The following PTPN3 variants were observed in gnomAD, a reference collection of about 807,000 sequenced individuals.
PTPN3 encodes the protein tyrosine-protein phosphatase non-receptor type 3.
PTPN3 carries 96 observed loss-of-function variants against 132.7 expected under a neutral mutation model. That is an observed-to-expected ratio of 0.72 (90% CI 0.61 to 0.86). The LOEUF (loss-of-function observed/expected upper bound fraction) is 0.86. PTPN3 is among the 40% of genes least tolerant of loss of function. The probability of loss-of-function intolerance (pLI) is 0.00; values close to 1 mark genes in which losing one functional copy is unlikely to be tolerated. For synonymous variants in PTPN3, 398 were observed against 429.0 expected, an observed-to-expected ratio of 0.93 and a Z score of 0.89; for missense variants, 1,125 against 1,159.6, an observed-to-expected ratio of 0.97 and a Z score of 0.43.
chr9:109,456,235 G>A (rs1223570730), intron 4 of PTPN3, among the ~76,000 whole-genome samples: 1 of 152,242 alleles, frequency 6.6e-6, no homozygotes, highest in Non-Finnish European at 1.5e-5. Context: ...CCATGCACTG[G>A]CCACTTTTTG....
intron 19 of PTPN3, among the ~76,000 whole-genome samples, chr9:109,401,043 T>A (rs1353985870): frequency 6.6e-6 from 1 of 152,216 alleles, no homozygotes; most frequent in South Asian, 2.1e-4. Context: ...CTTTCATCTG[T>A]TCTGTATTTT....
chr9:109,426,945 C>G lies in PTPN3; in HGVS notation c.1001+5G>C. On this transcript the variant is annotated splice_donor_5th_base_variant and intron_variant, in intron 12 of 25. Transcript: ENST00000374541. ...GTGTGGACACAGTCTTTACAGCACA[C>G]TCACTTTTTGGTGTTCCGAGAGCCC... is the stretch of plus-strand genomic sequence containing the variant. 1 of 1,606,714 alleles carries G rather than the reference C, an allele frequency of 6.2e-7. No homozygotes were observed. Among genetic ancestry groups the G allele is most frequent in the Non-Finnish European group, 8.5e-7 (1 of 1,173,458 alleles).
At chr9:109,445,140 G>T in intron 7 of PTPN3, 100 bp downstream of exon 7, 1 of 1,238,506 alleles carries the variant, frequency 8.1e-7, no homozygotes, top group East Asian at 2.4e-5. Flanking sequence ...CAGGATTCCT[G>T]GGGAAGAGGG....
the PTPN3 span, among the ~76,000 whole-genome samples, chr9:109,528,352 G>GA: frequency 6.6e-6 from 1 of 152,144 alleles, no homozygotes; most frequent in Non-Finnish European, 1.5e-5. Context: ...ACAGTAGAGA[G>GA]AAAATATAAA....
At chr9:109,509,829 C>T in the PTPN3 span, among the ~76,000 whole-genome samples, 5 of 151,482 alleles carry the variant, frequency 3.3e-5, no homozygotes, top group East Asian at 9.7e-4. Flanking sequence ...GACCCAAACA[C>T]AGCTTGTGCC....
chr9:109,426,912 T>C, intron 12 of PTPN3, 38 bp downstream of exon 12: 2 of 1,559,792 alleles, frequency 1.3e-6, no homozygotes, highest in Non-Finnish European at 1.8e-6. Flanking sequence ...CATTTACATC[T>C]CAGCCTAGTG....
At chr9:109,410,548 G>A (rs1002423824) in intron 14 of PTPN3, 133 bp from the exon 15 acceptor site, 17 of 1,005,240 alleles carry the variant, frequency 1.7e-5, no homozygotes, top group Non-Finnish European at 2.2e-5. Context: ...GGTTGTCAGC[G>A]GGATTTGAGT....
At chr9:109,420,336 T>C (rs889727380) in intron 14 of PTPN3, 88 bp downstream of exon 14, 6 of 1,376,524 alleles carry the variant, frequency 4.4e-6, no homozygotes, top group African/African-American at 2.9e-5. Context: ...CAGCTCTTGG[T>C]TCCTCTCAAA....
intron 1 of PTPN3, among the ~76,000 whole-genome samples, chr9:109,495,371 G>A (rs988148890): frequency 4.6e-5 from 7 of 152,202 alleles, no homozygotes; most frequent in East Asian, 1.9e-4. Flanking sequence ...CCACAAACCC[G>A]GAGGGTTGGG....
rs1041984101 is a variant in PTPN3, at chr9:109,379,399, C to T, written c.*157G>A. 4.7e-5 allele frequency: 30 copies of T among 631,816 alleles called. No individual in the cohort carries two copies. The highest frequency in any genetic ancestry group is 2.3e-4 in the South Asian group (12 of 51,754). 39.1% of individuals were successfully genotyped at this position (631,816 alleles called of 1,614,324 possible). On this transcript the variant is annotated 3_prime_UTR_variant, in exon 26 of 26. Transcript: ENST00000374541. The stretch of plus-strand genomic sequence containing the variant: ...TTATCTACACCAGTTCCTATGTACA[C>T]GATATCTTTTCTATAGAAGTTTAAA...
rs1422644975 is a variant in PTPN3 at position 109,377,457 on chromosome 9, C to CACACA, written c.*2098_*2099insTGTGT. 5 of 131,268 alleles carry CACACA rather than the reference C, an allele frequency of 3.8e-5. 1 individual carries two copies. The South Asian group carries it at 9.4e-4, about 25-fold the overall frequency. The allele number at this position is 131,268 out of a possible 1,614,324, so 8.1% of individuals were successfully genotyped here. A position where few individuals can be genotyped will look rare whatever the true frequency, so the allele number is the denominator to read the frequency against. On this transcript the variant is annotated 3_prime_UTR_variant, in exon 26 of 26. Coordinates refer to ENST00000374541, the MANE Select transcript of PTPN3 (RefSeq NM_002829.4). ...ACACACACACACACACACACACACA[C>CACACA]AAGCCAGGTGAGGTGGCATGTGCCT...
intron 19 of PTPN3, chr9:109,392,769 A>G (rs922433679): frequency 1.3e-5 from 2 of 151,990 alleles, no homozygotes; most frequent in Non-Finnish European, 2.9e-5. Flanking sequence ...ATGCCTGGCT[A>G]ATTTTTGTAT....
intron 14 of PTPN3, among the ~76,000 whole-genome samples, chr9:109,413,169 T>C (rs551943001): frequency 5.3e-5 from 8 of 151,872 alleles, no homozygotes; most frequent in African/African-American, 1.9e-4. Context: ...TTAGTCAGGA[T>C]GGTCTCGATC....
chr9:109,451,629 C>T (rs541530698), intron 5 of PTPN3, among the ~76,000 whole-genome samples: 1 of 152,348 alleles, frequency 6.6e-6, no homozygotes, highest in East Asian at 1.9e-4. Flanking sequence ...TACATTTCCA[C>T]AGATGTCCCT....
chr9:109,469,222 C>T (rs919891962), intron 1 of PTPN3, among the ~76,000 whole-genome samples: 3 of 152,186 alleles, frequency 2.0e-5, no homozygotes, highest in East Asian at 1.9e-4. Context: ...TGTCTACATT[C>T]GGATCTGGGA....
chr9:109,421,096 T>G (rs1273766917), intron 13 of PTPN3, among the ~76,000 whole-genome samples: 3 of 152,244 alleles, frequency 2.0e-5, no homozygotes, highest in Non-Finnish European at 4.4e-5. Context: ...AATGTTTGCT[T>G]TTTAAGATAT....
At position 109,382,445 on chromosome 9, in the gene PTPN3, G is replaced by A. The variant is rs759615816; in HGVS notation, c.2385C>T (p.Thr795=). Residue 795 remains threonine, a splice_region_variant and synonymous_variant, in exon 24 of 26, where the codon ACC becomes ACT. Transcript: ENST00000374541. ...SREMLVTNTQ[T]GEEHTVTHLQ... ...GATGTGTCACTGTGTGTTCTTCCCC[G>A]GTCTGTGGGAGATGCAGTGGCCTTG... 32 of 1,614,078 alleles carry A rather than the reference G, an allele frequency of 2.0e-5. No individual in the cohort carries two copies. Among genetic ancestry groups the A allele is most frequent in the Non-Finnish European group, 2.5e-5 (30 of 1,180,022 alleles).
chr9:109,400,700 G>A (rs530695366), intron 19 of PTPN3, among the ~76,000 whole-genome samples: 3 of 152,320 alleles, frequency 2.0e-5, no homozygotes, highest in African/African-American at 7.2e-5. Flanking sequence ...ACCTGTCCAA[G>A]ACTGTGTTCC....
chr9:109,512,170 T>C, the PTPN3 span, among the ~76,000 whole-genome samples: 2 of 152,300 alleles, frequency 1.3e-5, no homozygotes, highest in African/African-American at 4.8e-5. Flanking sequence ...TTGACCAATC[T>C]TCCACCTGGC....
Sources: gnomAD v4.1 joint callset for allele counts (sites outside exome capture counted in the v4.1 genomes callset) on GRCh38, gnomAD v4.1.1 for gene constraint, MANE v1.5 for transcripts, NCBI Gene and HGNC (gene_info 2026-07-23, HGNC 2026-07-21) for gene names.